Variants in IFT88 observed in about 807,000 individuals in gnomAD.
IFT88 encodes the protein intraflagellar transport 88, also known as intraflagellar transport protein 88 homolog.
A neutral mutation model predicts 119.5 loss-of-function variants in IFT88; 74 were observed. That is an observed-to-expected ratio of 0.62 (90% CI 0.51 to 0.75). The LOEUF is 0.75. IFT88 is among the 30% of genes least tolerant of loss of function. IFT88 has a pLI of 0.00. For missense variants in IFT88, 961 were observed against 977.7 expected (o/e 0.98, Z 0.23); for synonymous variants, 279 against 316.7 (o/e 0.88, Z 1.26).
chr13:20,613,288 A>G (rs771606951), intron 13 of IFT88, among the ~76,000 whole-genome samples: 18 of 152,162 alleles, frequency 1.2e-4, no homozygotes, highest in Non-Finnish European at 2.1e-4. Context: ...ATATGAATAG[A>G]TATTTCTTCA....
chr13:20,659,299 G>A (rs2053402104), intron 22 of IFT88, among the ~76,000 whole-genome samples: 1 of 152,122 alleles, frequency 6.6e-6, no homozygotes, highest in Non-Finnish European at 1.5e-5. Context: ...TTCAAGAACA[G>A]CCTGGGAAAC....
intron 20 of IFT88, among the ~76,000 whole-genome samples, chr13:20,649,770 AAGAG>A (rs1471198685): frequency 6.6e-6 from 1 of 152,140 alleles, no homozygotes; most frequent in Non-Finnish European, 1.5e-5. Context: ...TAACAAAAAA[AAGAG>A]GACTTAATTA....
At chr13:20,656,676 C>A (rs974263762) in intron 22 of IFT88, among the ~76,000 whole-genome samples, 1 of 152,032 alleles carries the variant, frequency 6.6e-6, no homozygotes, top group African/African-American at 2.4e-5. Context: ...ATACATATTT[C>A]AGAGTTCTAT....
At chr13:20,605,197 A>C (rs1286548135) in intron 13 of IFT88, 92 bp downstream of exon 13, 2 of 498,944 alleles carry the variant, frequency 4.0e-6, no homozygotes, top group East Asian at 3.6e-5. Context: ...TGAAACTTAA[A>C]ATAATTTAGT....
chr13:20,599,612 C>A, intron 11 of IFT88, 47 bp downstream of exon 11: 2 of 860,486 alleles, frequency 2.3e-6, no homozygotes, highest in Non-Finnish European at 3.7e-6. Flanking sequence ...AAGTGTTTTT[C>A]TGAAACAAGA....
At chr13:20,671,855 C>G (rs1029263165) in intron 24 of IFT88, among the ~76,000 whole-genome samples, 2 of 152,202 alleles carry the variant, frequency 1.3e-5, no homozygotes, top group Non-Finnish European at 2.9e-5. Flanking sequence ...CAGCTGCATT[C>G]TGTCATATCT....
chr13:20,615,311 CGAT>C (rs1264572566), intron 13 of IFT88, among the ~76,000 whole-genome samples: 1 of 152,082 alleles, frequency 6.6e-6, no homozygotes, highest in African/African-American at 2.4e-5. Flanking sequence ...GTAACCTTGA[CGAT>C]AACACATTTT....
intron 19 of IFT88, among the ~76,000 whole-genome samples, 187 bp downstream of exon 19, chr13:20,643,792 C>T (rs943045232): frequency 6.6e-6 from 1 of 152,188 alleles, no homozygotes; most frequent in African/African-American, 2.4e-5. Flanking sequence ...CTTGCTCTGT[C>T]GCCCAGGCTG....
chr13:20,582,064 G>T (rs571723226), intron 2 of IFT88, among the ~76,000 whole-genome samples: 1 of 151,532 alleles, frequency 6.6e-6, no homozygotes, highest in African/African-American at 2.4e-5. Context: ...ATTTTTGTGG[G>T]AAGTAGATTG....
At chr13:20,674,640 C>A (rs548038727) in intron 24 of IFT88, among the ~76,000 whole-genome samples, 1 of 148,900 alleles carries the variant, frequency 6.7e-6, no homozygotes, top group Non-Finnish European at 1.5e-5. Context: ...AACAGAAATT[C>A]ACTTTATGGT....
At chr13:20,625,319 A>T (rs1375050185) in intron 14 of IFT88, among the ~76,000 whole-genome samples, 2 of 152,198 alleles carry the variant, frequency 1.3e-5, no homozygotes, top group East Asian at 3.8e-4. Flanking sequence ...GTTATAGAGT[A>T]AACAGCAAAT....
chr13:20,614,578 T>C (rs1447549581), intron 13 of IFT88: 1 of 151,666 alleles, frequency 6.6e-6, no homozygotes, highest in African/African-American at 2.4e-5. Context: ...GGGGTGGGAG[T>C]TGGAGGAAAA....
chr13:20,672,773 C>CTATG (rs2056094454), intron 24 of IFT88, among the ~76,000 whole-genome samples: 1 of 152,198 alleles, frequency 6.6e-6, no homozygotes. Flanking sequence ...TAAATAAAGA[C>CTATG]TATGAATAGC....
intron 14 of IFT88, among the ~76,000 whole-genome samples, chr13:20,621,080 T>G (rs776291931): frequency 3.8e-4 from 58 of 152,014 alleles, no homozygotes; most frequent in Non-Finnish European, 7.8e-4. Flanking sequence ...TTGTTTTGTT[T>G]TGTTTGACAG....
chr13:20,592,466 C>G (rs1281017670), intron 7 of IFT88, 62 bp downstream of exon 7: 5 of 1,331,474 alleles, frequency 3.8e-6, no homozygotes, highest in Non-Finnish European at 4.2e-6. Context: ...TTTTATTTTC[C>G]AAATACACAA....
chr13:20,665,836 C>G (rs1310041460), intron 23 of IFT88, among the ~76,000 whole-genome samples: 10 of 152,280 alleles, frequency 6.6e-5, no homozygotes, highest in Admixed American at 4.6e-4. Flanking sequence ...AGAGGAGGTA[C>G]TCAGAGGCAG....
Position 20,589,817 on chromosome 13 carries a change from G to A in IFT88, c.160G>A (p.Ala54Thr). 6.3e-7 allele frequency: 1 copy of A among 1,597,896 alleles called. No homozygotes were observed. The highest frequency in any genetic ancestry group is 8.6e-7 in the Non-Finnish European group (1 of 1,169,068). Residue 54 changes from alanine to threonine, a missense_variant, in exon 4 of 26, where the codon GCT becomes ACT. Ala to Thr is a moderately conservative substitution (Grantham distance 58). Transcript: ENST00000351808. ...GTTCTTTTTCCTCCCCAAGATAACT[G>A]CTAAAATATCAAGCACGGCAGTTAC... is the stretch of plus-strand genomic sequence containing the variant. Reference protein sequence around the residue: ...TSHGRRPPITAKISSTAVTRP... With the variant: ...TSHGRRPPITTKISSTAVTRP...
intron 2 of IFT88, among the ~76,000 whole-genome samples, chr13:20,582,607 G>C (rs9579900): frequency 0.092 from 13,951 of 152,002 alleles, 788 homozygotes; most frequent in African/African-American, 0.15. Flanking sequence ...GAGAAAGAGA[G>C]ATGTAAATCT....
At chr13:20,673,200 A>G (rs1173090857) in intron 24 of IFT88, among the ~76,000 whole-genome samples, 1 of 152,210 alleles carries the variant, frequency 6.6e-6, no homozygotes, top group African/African-American at 2.4e-5. Context: ...CCTTCTAAAC[A>G]TCAACAACCT....
Sources: allele counts gnomAD v4.1 joint callset (sites outside exome capture counted in the v4.1 genomes callset), GRCh38; gene constraint gnomAD v4.1.1; transcripts MANE v1.5; gene names NCBI Gene and HGNC (gene_info 2026-07-23, HGNC 2026-07-21).